Variants in SGCZ observed in about 807,000 individuals in gnomAD.
SGCZ encodes the protein zeta-sarcoglycan.
In SGCZ, 40 loss-of-function variants were observed where a neutral mutation model predicts 41.3. The ratio of observed to expected loss-of-function variants is 0.97; its 90% CI spans 0.75 to 1.26. SGCZ has a LOEUF of 1.26. Among genes scored for constraint, SGCZ ranks in the 50% most tolerant of loss-of-function variants. SGCZ has a pLI of 0.00. For missense variants in SGCZ, 552 were observed against 369.8 expected, an observed-to-expected ratio of 1.49 and a Z score of -4.04; for synonymous variants, 206 against 137.5, an observed-to-expected ratio of 1.50 and a Z score of -3.49.
intron 1 of SGCZ, among the ~76,000 whole-genome samples, chr8:14,989,824 C>T (rs1434744091): frequency 1.3e-5 from 2 of 152,094 alleles, no homozygotes; most frequent in Non-Finnish European, 2.9e-5. Flanking sequence ...CATCCATATC[C>T]ATTACAGACA....
chr8:14,292,976 T>G (rs1356379389), intron 3 of SGCZ, among the ~76,000 whole-genome samples: 1 of 151,988 alleles, frequency 6.6e-6, no homozygotes, highest in South Asian at 2.1e-4. Context: ...AAGTTTTTCA[T>G]TCTTATTTAG....
intron 1 of SGCZ, among the ~76,000 whole-genome samples, chr8:15,112,801 C>A (rs1028296822): frequency 6.6e-6 from 1 of 152,172 alleles, no homozygotes; most frequent in African/African-American, 2.4e-5. Flanking sequence ...GCCAGCTATC[C>A]CAGTTGATGC....
chr8:14,678,161 A>G (rs761967455), intron 1 of SGCZ, among the ~76,000 whole-genome samples: 1 of 152,256 alleles, frequency 6.6e-6, no homozygotes, highest in Non-Finnish European at 1.5e-5. Context: ...CAACAAAGAC[A>G]TAATCCATGG....
At chr8:14,722,436 T>C (rs945398603) in intron 1 of SGCZ, among the ~76,000 whole-genome samples, 12 of 152,110 alleles carry the variant, frequency 7.9e-5, no homozygotes, top group African/African-American at 2.9e-4. Flanking sequence ...TGTGGATTTA[T>C]TAAGGAATAC....
intron 2 of SGCZ, among the ~76,000 whole-genome samples, chr8:14,499,027 C>T (rs1802072351): frequency 6.6e-6 from 1 of 151,896 alleles, no homozygotes; most frequent in South Asian, 2.1e-4. Flanking sequence ...TTTCCACCTA[C>T]TATGGTTCCC....
chr8:14,600,260 G>C (rs1456993463), intron 1 of SGCZ, among the ~76,000 whole-genome samples: 2 of 152,082 alleles, frequency 1.3e-5, no homozygotes, highest in Non-Finnish European at 2.9e-5. Flanking sequence ...ACTCCCTTGA[G>C]TGCCCTTGGA....
intron 2 of SGCZ, among the ~76,000 whole-genome samples, chr8:14,374,385 T>A (rs544304744): frequency 6.6e-6 from 1 of 152,128 alleles, no homozygotes; most frequent in Non-Finnish European, 1.5e-5. Flanking sequence ...AGGTAGATAG[T>A]TTTTTAGGAA....
chr8:14,174,579 G>T (rs1040739551), intron 4 of SGCZ, among the ~76,000 whole-genome samples: 3 of 151,966 alleles, frequency 2.0e-5, no homozygotes, highest in Non-Finnish European at 2.9e-5. Flanking sequence ...CCACCTAAGC[G>T]CATCTTAGTG....
At chr8:15,008,572 G>GAA (rs1802695943) in intron 1 of SGCZ, among the ~76,000 whole-genome samples, 1 of 53,390 alleles carries the variant, frequency 1.9e-5, no homozygotes, top group African/African-American at 7.9e-5. Context: ...AGGGAGGGAG[G>GAA]GGGAGGGGGA....
chr8:14,120,584 A>T (rs1802667530), intron 5 of SGCZ, among the ~76,000 whole-genome samples: 1 of 152,126 alleles, frequency 6.6e-6, no homozygotes, highest in Non-Finnish European at 1.5e-5. Flanking sequence ...TATAATATGT[A>T]TATTGTTTTG....
chr8:14,708,755 C>A (rs1170529633), intron 1 of SGCZ, among the ~76,000 whole-genome samples: 1 of 151,084 alleles, frequency 6.6e-6, no homozygotes. Flanking sequence ...TTTAATGGAA[C>A]AAGATTCTAT....
chr8:15,201,392 A>G (rs914182125), intron 1 of SGCZ, among the ~76,000 whole-genome samples: 2 of 152,202 alleles, frequency 1.3e-5, no homozygotes, highest in African/African-American at 4.8e-5. Flanking sequence ...CTTCCTATTT[A>G]GTCATCTGTA....
At chr8:14,677,725 C>T (rs975094052) in intron 1 of SGCZ, among the ~76,000 whole-genome samples, 3 of 151,982 alleles carry the variant, frequency 2.0e-5, no homozygotes, top group East Asian at 1.9e-4. Flanking sequence ...GAGCCAAGAT[C>T]GCACAAGTAA....
chr8:14,985,423 G>A (rs1315875880), intron 1 of SGCZ, among the ~76,000 whole-genome samples: 1 of 152,118 alleles, frequency 6.6e-6, no homozygotes, highest in African/African-American at 2.4e-5. Flanking sequence ...TAACACACAT[G>A]AAGTCACTTT....
In SGCZ at chr8:14,118,019, T is replaced by G. The variant is rs188171865; in HGVS notation, c.548-9784A>C. 9.2e-5 allele frequency among the ~76,000 whole-genome samples: 14 copies of G among 152,056 alleles called. No individual in the cohort carries two copies. In the East Asian group the frequency reaches 2.7e-3, roughly 30 times the overall value. On this transcript the variant is annotated intron_variant, in intron 5 of 7. Transcript: ENST00000382080. Reference sequence around the variant, plus strand: ...TTGGGTTGGTTCCAAGTCTTTGCTATTGTGAACAATGCTGCAATAAACATA... The same window carrying G: ...TTGGGTTGGTTCCAAGTCTTTGCTAGTGTGAACAATGCTGCAATAAACATA...
intron 1 of SGCZ, among the ~76,000 whole-genome samples, chr8:14,558,315 C>A (rs1804095117): frequency 6.6e-6 from 1 of 152,074 alleles, no homozygotes; most frequent in African/African-American, 2.4e-5. Flanking sequence ...TGGTTCACAC[C>A]TGTAATCTCA....
intron 1 of SGCZ, among the ~76,000 whole-genome samples, chr8:14,582,056 G>A (rs35543636): frequency 0.24 from 36,232 of 151,990 alleles, 4,423 homozygotes; most frequent in Admixed American, 0.26. Context: ...ACGTGATGAT[G>A]AGCATGAAGA....
Position 14,122,298 on chromosome 8 carries a change from A to T in SGCZ, c.548-14063T>A, listed in dbSNP as rs553217260. ...AGTCTCCAAAAACAAAACAAAACAA[A>T]AGACTTTAAGGAGCTATGGTGATTC... On this transcript the variant is annotated intron_variant, in intron 5 of 7. Transcript: ENST00000382080. 9.2e-5 allele frequency among the ~76,000 whole-genome samples: 14 copies of T among 152,262 alleles called. 1 individual carries two copies. In the South Asian group the frequency reaches 2.9e-3, roughly 32 times the overall value.
chr8:14,828,585 T>C (rs11996319), intron 1 of SGCZ, among the ~76,000 whole-genome samples: 5,223 of 152,236 alleles, frequency 0.034, 319 homozygotes, highest in African/African-American at 0.12. Context: ...TCCAGTACAG[T>C]TCTGAAGACA....
Sources: allele counts gnomAD v4.1 joint callset (sites outside exome capture counted in the v4.1 genomes callset), GRCh38; gene constraint gnomAD v4.1.1; transcripts MANE v1.5; gene names NCBI Gene and HGNC (gene_info 2026-07-23, HGNC 2026-07-21).